Variants in NFE2L3 observed in about 807,000 individuals in gnomAD.
NFE2L3 encodes the protein nuclear factor erythroid 2-related factor 3.
NFE2L3 carries 18 observed loss-of-function variants against 23.5 expected under a neutral mutation model. That is an observed-to-expected ratio of 0.77 (90% CI 0.53 to 1.13). NFE2L3 has a LOEUF of 1.13. NFE2L3 is among the 50% of genes most tolerant of loss of function. The pLI is 0.00. For missense variants in NFE2L3, 1,152 were observed against 877.2 expected (o/e 1.31, Z -3.96); for synonymous variants, 424 against 354.5 (o/e 1.20, Z -2.20).
chr7:26,184,985 T>G lies in NFE2L3; in HGVS notation c.1287T>G (p.Asn429Lys). The G allele has an allele frequency of 1.2e-6, 2 of 1,613,904 alleles. No individual in the cohort carries two copies. Among genetic ancestry groups the G allele is most frequent in the Admixed American group, 3.3e-5 (2 of 60,016 alleles). The change falls in exon 4 of 4, where the codon AAT becomes AAG. Residue 429 changes from asparagine (N) to lysine (K), a missense_variant. Asn to Lys is a moderately conservative substitution (Grantham distance 94, BLOSUM62 0). Transcript: ENST00000056233. The part of the protein sequence containing the change: ...SGLSLDSSHN[N>K]TSVIKSNSSH... ...TTTCTTTAGATTCAAGTCACAATAA[T>G]ACCTCTGTCATCAAGTCTAATTCCT... is the stretch of plus-strand genomic sequence containing the variant.
In NFE2L3 at chr7:26,167,496, G is replaced by A. The variant is rs1244822197; in HGVS notation, c.571-10447G>A. Among the ~76,000 whole-genome samples, 5 of 152,102 alleles carry A rather than the reference G, an allele frequency of 3.3e-5. No individual in the cohort carries two copies. In the East Asian group the frequency reaches 5.8e-4, roughly 18 times the overall value. ...TAAGGGCCCCAGCTCACAAGTTTAC[G>A]ATAGCTTCCTGTGTGGCAGGTGTGA... On this transcript the variant is annotated intron_variant, in intron 1 of 3. Coordinates refer to ENST00000056233, the MANE Select transcript of NFE2L3 (RefSeq NM_004289.7).
intron 1 of NFE2L3, among the ~76,000 whole-genome samples, chr7:26,172,661 AC>A (rs1424621208): frequency 6.6e-6 from 1 of 152,102 alleles, no homozygotes; most frequent in African/African-American, 2.4e-5. Context: ...TGTAAAAATG[AC>A]CCCCAATGTT....
chr7:26,152,556 C>T lies in NFE2L3; in HGVS notation c.58C>T (p.Leu20=). 1 of 1,525,744 alleles carries T rather than the reference C, an allele frequency of 6.6e-7. No individual in the cohort carries two copies. Among genetic ancestry groups the T allele is most frequent in the East Asian group, 2.7e-5 (1 of 37,240 alleles). 94.5% of individuals were successfully genotyped at this position (1,525,744 alleles called of 1,614,324 possible). A position where few individuals can be genotyped will look rare whatever the true frequency, so the allele number is the denominator to read the frequency against. ...CGGCGGCCTCCTGCACCTCACCCTC[C>T]TGCTGAGCTTGGCGGGGCTCCGCGT... ...AGGGLLHLTL[L]LSLAGLRVDL... The change falls in exon 1 of 4, where the codon CTG becomes TTG. Residue 20 remains leucine (L), a synonymous_variant. Coordinates refer to ENST00000056233, the MANE Select transcript of NFE2L3 (RefSeq NM_004289.7). This position sits in a 1 kb window ranked among gnomAD's most constrained non-coding sequence, Gnocchi z 4.4.
At chr7:26,178,824 C>A (rs566426367) in intron 2 of NFE2L3, among the ~76,000 whole-genome samples, 2 of 152,226 alleles carry the variant, frequency 1.3e-5, no homozygotes, top group South Asian at 2.1e-4. Context: ...TATTTAATAA[C>A]CACGTGGCAC....
chr7:26,184,186 T>A, intron 3 of NFE2L3: 2 of 336,822 alleles, frequency 5.9e-6, no homozygotes, highest in Non-Finnish European at 5.4e-6. Context: ...CTGTAGTTTA[T>A]TATCCCTGAC....
chr7:26,156,441 A>G (rs922360451), intron 1 of NFE2L3, among the ~76,000 whole-genome samples: 9 of 152,176 alleles, frequency 5.9e-5, no homozygotes, highest in African/African-American at 1.9e-4. Context: ...ATTTTGGAGT[A>G]GGGGATTTTC....
chr7:26,170,803 G>C (rs1017590659), intron 1 of NFE2L3, among the ~76,000 whole-genome samples: 5 of 152,168 alleles, frequency 3.3e-5, no homozygotes, highest in Non-Finnish European at 5.9e-5. Flanking sequence ...TGGCCTGCAT[G>C]ACTCAGTCCT....
At chr7:26,165,983 G>A (rs1048024597) in intron 1 of NFE2L3, among the ~76,000 whole-genome samples, 4 of 152,018 alleles carry the variant, frequency 2.6e-5, no homozygotes, top group Non-Finnish European at 5.9e-5. Flanking sequence ...ATCACAATCC[G>A]ACAAGATCCA....
At chr7:26,179,080 CTGCCTACCACTCCCT>C (rs1784463252) in intron 2 of NFE2L3, among the ~76,000 whole-genome samples, 1 of 152,156 alleles carries the variant, frequency 6.6e-6, no homozygotes, top group African/African-American at 2.4e-5. Flanking sequence ...TTCTCTTTGC[CTGCCTACCACTCCCT>C]TGCCCCTCCA....
intron 1 of NFE2L3, among the ~76,000 whole-genome samples, chr7:26,155,759 G>T (rs563745273): frequency 6.6e-6 from 1 of 152,278 alleles, no homozygotes; most frequent in Non-Finnish European, 1.5e-5. Context: ...AACAACACTG[G>T]TCTTTGCGGT....
rs773374412 is a variant in NFE2L3 at position 26,175,795 on chromosome 7, T to A, written c.571-2148T>A. ...CTCTGTCTCAAAAAAAAAAAAAAAATAGTTTCCATATTTGATCAGTGTTTG... is the reference window on the plus strand; with the variant it reads ...CTCTGTCTCAAAAAAAAAAAAAAAAAAGTTTCCATATTTGATCAGTGTTTG... On this transcript the variant is annotated intron_variant, in intron 1 of 3. Coordinates refer to ENST00000056233, the MANE Select transcript of NFE2L3 (RefSeq NM_004289.7). Among the ~76,000 whole-genome samples the A allele has an allele frequency of 3.0e-3, 441 of 145,978 alleles. 6 individuals are homozygous for A. Among genetic ancestry groups the A allele is most frequent in the Admixed American group, 6.1e-3 (88 of 14,530 alleles).
chr7:26,171,977 T>G (rs781205934), intron 1 of NFE2L3, among the ~76,000 whole-genome samples: 19 of 152,274 alleles, frequency 1.2e-4, no homozygotes, highest in Non-Finnish European at 2.1e-4. Flanking sequence ...GTATCTCAAA[T>G]ACAAGTCATC....
At chr7:26,161,508 C>G in intron 1 of NFE2L3, among the ~76,000 whole-genome samples, 1 of 151,992 alleles carries the variant, frequency 6.6e-6, no homozygotes, top group Non-Finnish European at 1.5e-5. Context: ...CTGGAGTTTT[C>G]CAGACCCCCA....
intron 2 of NFE2L3, among the ~76,000 whole-genome samples, chr7:26,182,529 C>CACA (rs1199778007): frequency 6.6e-6 from 1 of 152,010 alleles, no homozygotes; most frequent in Non-Finnish European, 1.5e-5. Context: ...GAGGCTGACA[C>CACA]ACAAGAATCA....
chr7:26,160,638 TCA>T (rs1208310800), intron 1 of NFE2L3, among the ~76,000 whole-genome samples: 1 of 152,230 alleles, frequency 6.6e-6, no homozygotes, highest in Non-Finnish European at 1.5e-5. Context: ...CAAGGAAACC[TCA>T]GTTTTGCTCT....
rs55911511 is a variant in NFE2L3 at position 26,175,192 on chromosome 7, CAAAAAA to C, written c.571-2737_571-2732del. Reference sequence around the variant, plus strand: ...AAACCCCGTCTCTACTAAAAAATACCAAAAAAAAAAAAAAAAAAATAGCTGGGCGTG... The same window carrying C: ...AAACCCCGTCTCTACTAAAAAATACCAAAAAAAAAAAAATAGCTGGGCGTG... On this transcript the variant is annotated intron_variant, in intron 1 of 3. Transcript: ENST00000056233. 6.9e-5 allele frequency among the ~76,000 whole-genome samples: 7 copies of C among 101,782 alleles called. No individual in the cohort carries two copies. The East Asian group carries it at 1.1e-3, about 16-fold the overall frequency. The allele number at this position is 101,782 out of a possible 152,430, so 66.8% of individuals were successfully genotyped here.
At chr7:26,163,440 G>A (rs1038246017) in intron 1 of NFE2L3, among the ~76,000 whole-genome samples, 6 of 152,064 alleles carry the variant, frequency 3.9e-5, no homozygotes, top group African/African-American at 7.2e-5. Flanking sequence ...TCCACCTCCC[G>A]GGTTCAAGCA....
At chr7:26,156,157 A>G (rs1784078441) in intron 1 of NFE2L3, among the ~76,000 whole-genome samples, 1 of 152,210 alleles carries the variant, frequency 6.6e-6, no homozygotes, top group African/African-American at 2.4e-5. Flanking sequence ...TTCTGTGTGC[A>G]TTCCCATGCA....
chr7:26,186,828 AAAT>A lies in NFE2L3; in HGVS notation c.*1050_*1052del, dbSNP rs1232742514. 1 of 152,216 alleles carries A rather than the reference AAAT, an allele frequency of 6.6e-6. No individual in the cohort carries two copies. Among genetic ancestry groups the A allele is most frequent in the Non-Finnish European group, 1.5e-5 (1 of 68,034 alleles). 9.4% of individuals were successfully genotyped at this position (152,216 alleles called of 1,614,324 possible). A position where few individuals can be genotyped will look rare whatever the true frequency, so the allele number is the denominator to read the frequency against. ...TAAACCAGGGTAAGGTAAATTCTAG[AAAT>A]AATAGCATTTGAAATGAAAACCTCA... On this transcript the variant is annotated 3_prime_UTR_variant, in exon 4 of 4. Transcript: ENST00000056233.
Sources: allele counts gnomAD v4.1 joint callset (sites outside exome capture counted in the v4.1 genomes callset), GRCh38; gene constraint gnomAD v4.1.1; non-coding constraint Gnocchi (gnomAD v3.1); transcripts MANE v1.5; gene names NCBI Gene and HGNC (gene_info 2026-07-23, HGNC 2026-07-21).